LIN54: variants seen among roughly 807,000 people sequenced by gnomAD.
LIN54 encodes the protein lin-54 DREAM MuvB core complex component, also known as protein lin-54 homolog.
LIN54 carries 9 observed loss-of-function variants against 78.7 expected under a neutral mutation model. The ratio of observed to expected loss-of-function variants is 0.11; its 90% CI spans 0.07 to 0.20. The LOEUF (loss-of-function observed/expected upper bound fraction) is 0.20, where lower values mean the gene tolerates loss of function less well. LIN54 is among the 10% of genes least tolerant of loss of function. The pLI is 1.00. For missense variants in LIN54, 573 were observed against 889.9 expected (o/e 0.64, Z 4.53); for synonymous variants, 269 against 318.4 (o/e 0.84, Z 1.65).
At chr4:82,964,748 C>T (rs1337308863) in intron 4 of LIN54, among the ~76,000 whole-genome samples, 12 of 152,044 alleles carry the variant, frequency 7.9e-5, no homozygotes, top group African/African-American at 2.7e-4. Context: ...TTTAAAAGGC[C>T]GGTGCAGTGG....
At chr4:82,956,904 T>G (rs1388514264) in intron 4 of LIN54, among the ~76,000 whole-genome samples, 2 of 152,038 alleles carry the variant, frequency 1.3e-5, no homozygotes, top group Non-Finnish European at 2.9e-5. Flanking sequence ...AGATTACAGG[T>G]GTGAGCCACC....
At chr4:82,931,199 TA>T (rs1721923731) in intron 11 of LIN54, 54 bp from the exon 12 acceptor site, 2 of 1,281,628 alleles carry the variant, frequency 1.6e-6, no homozygotes, top group African/African-American at 2.9e-5. Context: ...TACATTACTA[TA>T]AGTAGATGCC....
chr4:82,973,950 C>CAAA (rs1725899789), intron 3 of LIN54, among the ~76,000 whole-genome samples: 1 of 152,186 alleles, frequency 6.6e-6, no homozygotes, highest in Non-Finnish European at 1.5e-5. Context: ...GTGGCTCATG[C>CAAA]CTGTAATCCC....
rs569623315 is a variant in LIN54 at position 82,983,719 on chromosome 4, C to T, written c.684+442G>A. Among the ~76,000 whole-genome samples the T allele has an allele frequency of 1.2e-4, 18 of 152,100 alleles. No homozygotes were observed. In the South Asian group the frequency reaches 3.5e-3, roughly 30 times the overall value. ...AATAAAAGGCACACGCTGGCTGACA[C>T]GCACTATTACTGGCTCTGAGGGTTT... On this transcript the variant is annotated intron_variant, in intron 2 of 12. Coordinates refer to ENST00000340417, the MANE Select transcript of LIN54 (RefSeq NM_194282.4).
At chr4:82,946,718 T>G (rs1560732627) in intron 4 of LIN54, among the ~76,000 whole-genome samples, 1 of 152,214 alleles carries the variant, frequency 6.6e-6, no homozygotes, top group Non-Finnish European at 1.5e-5. Context: ...TTCAGATGAC[T>G]TGCTATGAAG....
At chr4:82,929,429 CTTA>C (rs1371066431) in intron 12 of LIN54, among the ~76,000 whole-genome samples, 1 of 152,052 alleles carries the variant, frequency 6.6e-6, no homozygotes, top group Non-Finnish European at 1.5e-5. Context: ...GGTTATAAGT[CTTA>C]TTAAGGTGCC....
chr4:83,002,641 T>C (rs1233394701), intron 1 of LIN54, among the ~76,000 whole-genome samples: 1 of 152,188 alleles, frequency 6.6e-6, no homozygotes, highest in Non-Finnish European at 1.5e-5. Flanking sequence ...TTCCTCAGCC[T>C]CCTCAACATG....
At chr4:82,991,463 T>G (rs1223218866) in intron 1 of LIN54, among the ~76,000 whole-genome samples, 1 of 152,208 alleles carries the variant, frequency 6.6e-6, no homozygotes, top group Non-Finnish European at 1.5e-5. Context: ...ATAAATACAG[T>G]CCATGTTGTC....
Position 82,973,299 on chromosome 4 carries a change from T to C in LIN54, c.809-2830A>G, listed in dbSNP as rs142205978. ...ACATACTCATAAAGCAGGTCATTTC[T>C]ACCAAAATATTTCTAGATTTCATCA... On this transcript the variant is annotated intron_variant, in intron 3 of 12. Coordinates refer to ENST00000340417, the MANE Select transcript of LIN54 (RefSeq NM_194282.4). Among the ~76,000 whole-genome samples, 58 of 152,306 alleles carry C rather than the reference T, an allele frequency of 3.8e-4. 1 individual carries two copies. Among genetic ancestry groups the C allele is most frequent in the African/African-American group, 1.3e-3 (56 of 41,572 alleles).
chr4:82,933,194 A>G (rs896462468), intron 11 of LIN54, among the ~76,000 whole-genome samples: 1 of 151,254 alleles, frequency 6.6e-6, no homozygotes, highest in Admixed American at 6.6e-5. Flanking sequence ...AAAATTCCTG[A>G]CCTCAGAGTG....
chr4:82,928,381 A>G, intron 12 of LIN54, 78 bp from the exon 13 acceptor site: 1 of 1,104,830 alleles, frequency 9.1e-7, no homozygotes, highest in Non-Finnish European at 1.4e-6. Flanking sequence ...TTCATCTGGA[A>G]ATCTCTACTG....
upstream of LIN54, among the ~76,000 whole-genome samples, chr4:83,011,573 T>G (rs1017990874): frequency 6.8e-6 from 1 of 147,798 alleles, no homozygotes; most frequent in Non-Finnish European, 1.5e-5. Context: ...AATGTTTTTT[T>G]AGGATCTAAG....
intron 11 of LIN54, among the ~76,000 whole-genome samples, chr4:82,933,949 C>G (rs917798921): frequency 2.0e-5 from 3 of 152,136 alleles, no homozygotes; most frequent in Non-Finnish European, 4.4e-5. Flanking sequence ...TTTCCATGTT[C>G]TGAAAAGAAG....
chr4:82,956,823 A>T (rs925356651), intron 4 of LIN54, among the ~76,000 whole-genome samples: 5 of 151,916 alleles, frequency 3.3e-5, no homozygotes, highest in Non-Finnish European at 7.4e-5. Context: ...GGGTCTCACT[A>T]TGTTGCCCAG....
At chr4:82,937,383 A>T (rs946874802) in intron 8 of LIN54, 85 bp from the exon 9 acceptor site, 8 of 804,096 alleles carry the variant, frequency 9.9e-6, no homozygotes, top group Non-Finnish European at 1.4e-5. Context: ...TTTAAAATTT[A>T]AAAAATTAGA....
At position 82,925,160 on chromosome 4, in the gene LIN54, A is replaced by G. The variant is rs115619578; in HGVS notation, c.*2942T>C. On this transcript the variant is annotated 3_prime_UTR_variant, in exon 13 of 13. Coordinates refer to ENST00000340417, the MANE Select transcript of LIN54 (RefSeq NM_194282.4). The stretch of plus-strand genomic sequence containing the variant: ...TCAGAAAAAAAGGAAACTAAGAAAG[A>G]TAGCTATCATAAGAACATTTCACAT... 2 of 152,600 alleles carry G rather than the reference A, an allele frequency of 1.3e-5. No individual in the cohort carries two copies. The highest frequency in any genetic ancestry group is 1.3e-4 in the Admixed American group (2 of 15,264). 9.5% of individuals were successfully genotyped at this position (152,600 alleles called of 1,614,324 possible).
rs116580453 is a variant in LIN54 at position 82,957,708 on chromosome 4, C to T, written c.952-11234G>A. 8.4e-3 allele frequency among the ~76,000 whole-genome samples: 1,274 copies of T among 152,250 alleles called. 20 individuals carry two copies. The highest frequency in any genetic ancestry group is 0.029 in the African/African-American group (1,186 of 41,548). ...ACCATCCCAACTGTAGTTGAATCCC[C>T]TTAGGTAGGATCTCATGACATAATT... On this transcript the variant is annotated intron_variant, in intron 4 of 12. Transcript: ENST00000340417.
At chr4:82,998,557 A>AGGAAGAGAGGGAGGGAAAG in intron 1 of LIN54, among the ~76,000 whole-genome samples, 1 of 151,810 alleles carries the variant, frequency 6.6e-6, no homozygotes, top group East Asian at 1.9e-4. Context: ...AAAGAAAGGA[A>AGGAAGAGAGGGAGGGAAAG]GGAAGAGAGG....
chr4:82,938,654 T>C, intron 7 of LIN54, 150 bp from the exon 8 acceptor site: 1 of 594,838 alleles, frequency 1.7e-6, no homozygotes, highest in Non-Finnish European at 3.0e-6. Context: ...CACAGAGCTC[T>C]TTTAAAGACT....
Sources: allele counts gnomAD v4.1 joint callset (sites outside exome capture counted in the v4.1 genomes callset), GRCh38; gene constraint gnomAD v4.1.1; transcripts MANE v1.5; gene names NCBI Gene and HGNC (gene_info 2026-07-23, HGNC 2026-07-21).